SLCO1C1: variants seen among roughly 807,000 people sequenced by gnomAD.
SLCO1C1 encodes solute carrier organic anion transporter family member 1C1.
SLCO1C1 carries 70 observed loss-of-function variants against 76.4 expected under a neutral mutation model. The observed-to-expected ratio is 0.92, with a 90% CI of 0.76 to 1.12. The LOEUF (loss-of-function observed/expected upper bound fraction) is 1.12. SLCO1C1 is among the 50% of genes most tolerant of loss of function. The pLI, the probability that SLCO1C1 is intolerant of heterozygous loss-of-function variation, is 0.00. For synonymous variants in SLCO1C1, 306 were observed against 286.1 expected, an observed-to-expected ratio of 1.07 and a Z score of -0.70; for missense variants, 912 against 823.8, an observed-to-expected ratio of 1.11 and a Z score of -1.31.
chr12:20,741,213 C>T (rs1948803940), intron 12 of SLCO1C1, among the ~76,000 whole-genome samples: 1 of 152,066 alleles, frequency 6.6e-6, no homozygotes, highest in Non-Finnish European at 1.5e-5. Flanking sequence ...GTCCCTCTCC[C>T]AACATGTGGG....
intron 13 of SLCO1C1, among the ~76,000 whole-genome samples, chr12:20,745,334 A>AGGC (rs1948992910): frequency 6.6e-6 from 1 of 152,184 alleles, no homozygotes; most frequent in South Asian, 2.1e-4. Flanking sequence ...GCATACATGA[A>AGGC]AAACTTTAAA....
chr12:20,733,949 A>G (rs1948417892), intron 10 of SLCO1C1, among the ~76,000 whole-genome samples: 1 of 152,088 alleles, frequency 6.6e-6, no homozygotes, highest in Admixed American at 6.6e-5. Flanking sequence ...TTTCACCTAT[A>G]TATGCATTAT....
intron 14 of SLCO1C1, among the ~76,000 whole-genome samples, chr12:20,751,935 A>G (rs927148307): frequency 6.6e-6 from 1 of 152,156 alleles, no homozygotes. Flanking sequence ...CACATAATTT[A>G]TCATTCAAAA....
chr12:20,750,904 T>A, intron 14 of SLCO1C1, 112 bp downstream of exon 14: 2 of 1,600,208 alleles, frequency 1.2e-6, no homozygotes. Context: ...AGGTAAAGAA[T>A]AGTCTAATCA....
At chr12:20,735,759 C>T (rs927255076) in intron 10 of SLCO1C1, among the ~76,000 whole-genome samples, 5 of 152,100 alleles carry the variant, frequency 3.3e-5, no homozygotes, top group Admixed American at 2.0e-4. Flanking sequence ...TCATTAATGA[C>T]AATACTTCTC....
chr12:20,752,326 CTG>C lies in SLCO1C1; in HGVS notation c.1940_1941del (p.Val647AspfsTer50). 6.2e-7 allele frequency: 1 copy of C among 1,601,538 alleles called. No individual in the cohort carries two copies. The highest frequency in any genetic ancestry group is 8.5e-7 in the Non-Finnish European group (1 of 1,172,628). On this transcript the variant is annotated frameshift_variant, in exon 15 of 15. Transcript: ENST00000266509. LOFTEE classifies it low-confidence loss of function (END_TRUNC). The stretch of plus-strand genomic sequence containing the variant: ...TCTAGACATATATATCTGGGACTAA[CTG>C]TGATACTGGGCACAGTGTCAATTCT...
intron 1 of SLCO1C1, among the ~76,000 whole-genome samples, chr12:20,696,233 T>C (rs1325930179): frequency 1.1e-4 from 17 of 152,168 alleles, no homozygotes; most frequent in Admixed American, 1.1e-3. Context: ...CACACTCCTC[T>C]GCAGCAAGTG....
chr12:20,733,900 C>T (rs1276859385), intron 10 of SLCO1C1, among the ~76,000 whole-genome samples: 1 of 152,154 alleles, frequency 6.6e-6, no homozygotes, highest in Non-Finnish European at 1.5e-5. Context: ...CATCACTCTA[C>T]CACTTCACAT....
intron 10 of SLCO1C1, among the ~76,000 whole-genome samples, 189 bp downstream of exon 10, chr12:20,733,293 T>C (rs1434632480): frequency 6.6e-6 from 1 of 152,162 alleles, no homozygotes; most frequent in Non-Finnish European, 1.5e-5. Context: ...TCTCCTTTGA[T>C]TGTAGAGAAA....
At chr12:20,699,330 G>A (rs1041539608) in intron 1 of SLCO1C1, among the ~76,000 whole-genome samples, 5 of 151,836 alleles carry the variant, frequency 3.3e-5, no homozygotes, top group Non-Finnish European at 5.9e-5. Flanking sequence ...CTTAAACTGG[G>A]CAGATTGAGA....
chr12:20,718,353 C>A (rs1383572002), intron 7 of SLCO1C1, among the ~76,000 whole-genome samples: 2 of 152,172 alleles, frequency 1.3e-5, no homozygotes, highest in African/African-American at 4.8e-5. Context: ...GAAATGTTTT[C>A]TAGGTTCTTG....
chr12:20,752,320 G>T lies in SLCO1C1; in HGVS notation c.1931G>T (p.Gly644Val). 1 of 1,591,800 alleles carries T rather than the reference G, an allele frequency of 6.3e-7. No homozygotes were observed. The highest frequency in any genetic ancestry group is 1.1e-5 in the South Asian group (1 of 87,980). ...DSNVFRHIYL[G>V]LTVILGTVSI... ...TCTTCTTCTAGACATATATATCTGGGACTAACTGTGATACTGGGCACAGTG... is the reference window on the plus strand; with the variant it reads ...TCTTCTTCTAGACATATATATCTGGTACTAACTGTGATACTGGGCACAGTG... The change falls in exon 15 of 15, where the codon GGA becomes GTA. Residue 644 changes from glycine to valine, a missense_variant. Physicochemically the swap from Gly to Val is moderately radical, Grantham distance 109 (BLOSUM62 -3). Coordinates refer to ENST00000266509, the MANE Select transcript of SLCO1C1 (RefSeq NM_017435.5).
intron 13 of SLCO1C1, 84 bp downstream of exon 13, chr12:20,743,453 A>T (rs1435846107): frequency 9.2e-7 from 1 of 1,090,060 alleles, no homozygotes; most frequent in Admixed American, 1.9e-5. Flanking sequence ...CAGAATTGCC[A>T]TGCATAAATA....
At chr12:20,704,196 T>C (rs1055699974) in intron 3 of SLCO1C1, among the ~76,000 whole-genome samples, 6 of 151,432 alleles carry the variant, frequency 4.0e-5, no homozygotes, top group African/African-American at 1.5e-4. Flanking sequence ...GAAAGGATAC[T>C]AAGGAAGCAA....
chr12:20,703,309 A>C (rs1946612293), intron 3 of SLCO1C1, among the ~76,000 whole-genome samples: 1 of 151,932 alleles, frequency 6.6e-6, no homozygotes, highest in Non-Finnish European at 1.5e-5. Flanking sequence ...AAATTCTATT[A>C]GTTTTAATTG....
intron 5 of SLCO1C1, 145 bp downstream of exon 5, chr12:20,711,655 T>C: frequency 1.3e-6 from 1 of 791,556 alleles, no homozygotes; most frequent in Non-Finnish European, 1.9e-6. Context: ...TAAAAATTCC[T>C]AGAATATAAA....
At chr12:20,731,473 C>T (rs57377662) in intron 9 of SLCO1C1, among the ~76,000 whole-genome samples, 3,722 of 152,286 alleles carry the variant, frequency 0.024, 165 homozygotes, top group African/African-American at 0.084. Context: ...TTTACAATTT[C>T]ACATGGGGTT....
In SLCO1C1 at chr12:20,723,114, T is replaced by C; in HGVS notation, c.1046T>C (p.Leu349Pro). ...ARDFLPSLKN[L>P]FGNPVYFLYL... ...GATTTTCTTCCATCACTGAAGAATC[T>C]TTTTGGAAACCCAGTATACTTCCTA... Residue 349 changes from leucine (L) to proline (P), a missense_variant, in exon 9 of 15, where the codon CTT becomes CCT. By Grantham distance (98) the Leu-to-Pro change is moderately conservative. Coordinates refer to ENST00000266509, the MANE Select transcript of SLCO1C1 (RefSeq NM_017435.5). The C allele has an allele frequency of 6.2e-7, 1 of 1,603,264 alleles. No individual in the cohort carries two copies. Among genetic ancestry groups the C allele is most frequent in the Non-Finnish European group, 8.5e-7 (1 of 1,176,958 alleles).
In SLCO1C1 at chr12:20,753,000, T is replaced by G. The variant is rs1267352014; in HGVS notation, c.*472T>G. 1 of 152,218 alleles carries G rather than the reference T, an allele frequency of 6.6e-6. No homozygotes were observed. Among genetic ancestry groups the G allele is most frequent in the Non-Finnish European group, 1.5e-5 (1 of 68,072 alleles). 9.4% of individuals were successfully genotyped at this position (152,218 alleles called of 1,614,324 possible). On this transcript the variant is annotated 3_prime_UTR_variant, in exon 15 of 15. Coordinates refer to ENST00000266509, the MANE Select transcript of SLCO1C1 (RefSeq NM_017435.5). Reference sequence around the variant, plus strand: ...CTTCATCTGTGTATTTTAATAATGATCTTAGGATGGAGCAGAACATGGAGA... The same window carrying G: ...CTTCATCTGTGTATTTTAATAATGAGCTTAGGATGGAGCAGAACATGGAGA...
Sources: gnomAD v4.1 joint callset for allele counts (sites outside exome capture counted in the v4.1 genomes callset) on GRCh38, gnomAD v4.1.1 for gene constraint, MANE v1.5 for transcripts, NCBI Gene and HGNC (gene_info 2026-07-23, HGNC 2026-07-21) for gene names.